STXBP5L: variants seen among roughly 807,000 people sequenced by gnomAD.
STXBP5L encodes the protein syntaxin binding protein 5L.
In STXBP5L, 65 loss-of-function variants were observed where a neutral mutation model predicts 144.5. The ratio of observed to expected loss-of-function variants is 0.45; its 90% confidence interval spans 0.37 to 0.55. STXBP5L has a LOEUF of 0.55. STXBP5L is among the 20% of genes least tolerant of loss of function. The pLI, the probability that STXBP5L is intolerant of heterozygous loss-of-function variation, is 0.00. For synonymous variants in STXBP5L, 505 were observed against 469.6 expected (o/e 1.08, Z -0.97); for missense variants, 1,298 against 1,405.5 (o/e 0.92, Z 1.22).
At chr3:121,382,269 A>C (rs777216378) in intron 22 of STXBP5L, among the ~76,000 whole-genome samples, 3 of 152,022 alleles carry the variant, frequency 2.0e-5, no homozygotes, top group Non-Finnish European at 2.9e-5. Flanking sequence ...TTAAAAGGAT[A>C]TATATTATAT....
chr3:121,189,450 A>T (rs1455000393), intron 9 of STXBP5L, among the ~76,000 whole-genome samples: 4 of 152,180 alleles, frequency 2.6e-5, no homozygotes, highest in East Asian at 3.8e-4. Flanking sequence ...GGCTAGCCAG[A>T]TTCCCCAGCA....
chr3:121,072,416 G>A (rs1399517599), intron 5 of STXBP5L, among the ~76,000 whole-genome samples: 1 of 152,228 alleles, frequency 6.6e-6, no homozygotes, highest in Non-Finnish European at 1.5e-5. Flanking sequence ...GCAGTTGGGA[G>A]CAGCACATAG....
intron 7 of STXBP5L, among the ~76,000 whole-genome samples, chr3:121,128,053 T>C (rs2044793389): frequency 6.6e-6 from 1 of 152,084 alleles, no homozygotes. Flanking sequence ...AAATAAACTA[T>C]ATTTGAAAGA....
intron 3 of STXBP5L, among the ~76,000 whole-genome samples, chr3:120,998,650 C>T (rs1234448102): frequency 6.6e-6 from 1 of 152,052 alleles, no homozygotes; most frequent in African/African-American, 2.4e-5. Flanking sequence ...TTCTGTTTTT[C>T]TGTTAGTTTG....
intron 3 of STXBP5L, among the ~76,000 whole-genome samples, chr3:120,959,231 A>C (rs1044834036): frequency 2.0e-5 from 3 of 152,174 alleles, no homozygotes; most frequent in African/African-American, 7.2e-5. Context: ...ACTACAAACC[A>C]CTGCTCAATG....
At chr3:121,327,162 G>C (rs979062485) in intron 20 of STXBP5L, among the ~76,000 whole-genome samples, 2 of 152,138 alleles carry the variant, frequency 1.3e-5, no homozygotes, top group African/African-American at 4.8e-5. Context: ...TTAGGAGTCA[G>C]CAGAAAGACA....
intron 3 of STXBP5L, among the ~76,000 whole-genome samples, chr3:120,971,669 A>G (rs1345972817): frequency 6.6e-6 from 1 of 151,236 alleles, no homozygotes; most frequent in East Asian, 1.9e-4. Flanking sequence ...ACACATATAC[A>G]TTCATCTATA....
intron 17 of STXBP5L, 128 bp from the exon 18 acceptor site, chr3:121,258,914 TC>T (rs1363711816): frequency 1.2e-6 from 1 of 816,718 alleles, no homozygotes; most frequent in Non-Finnish European, 1.7e-6. Context: ...GAAGGCACCA[TC>T]CATCTGCATG....
intron 3 of STXBP5L, among the ~76,000 whole-genome samples, chr3:120,991,826 G>T (rs917139896): frequency 1.3e-5 from 2 of 149,284 alleles, no homozygotes; most frequent in Admixed American, 6.9e-5. Flanking sequence ...TGGGGGCAGG[G>T]GGGAGGGATA....
At chr3:121,087,939 C>A (rs572719957) in intron 5 of STXBP5L, among the ~76,000 whole-genome samples, 1 of 152,162 alleles carries the variant, frequency 6.6e-6, no homozygotes, top group South Asian at 2.1e-4. Context: ...AGAGACTTTT[C>A]CTTTCTTTAC....
chr3:121,009,812 T>C (rs1448502593), intron 3 of STXBP5L, among the ~76,000 whole-genome samples: 1 of 151,916 alleles, frequency 6.6e-6, no homozygotes, highest in Non-Finnish European at 1.5e-5. Flanking sequence ...ATCTATTTAG[T>C]GTCTACAAGG....
At chr3:121,295,689 T>C (rs1311452914) in intron 19 of STXBP5L, among the ~76,000 whole-genome samples, 2 of 152,176 alleles carry the variant, frequency 1.3e-5, no homozygotes, top group African/African-American at 4.8e-5. Context: ...CAGGGATATT[T>C]GGCAATGTCT....
intron 20 of STXBP5L, among the ~76,000 whole-genome samples, chr3:121,362,843 T>C (rs2045753648): frequency 6.6e-6 from 1 of 152,028 alleles, no homozygotes; most frequent in Admixed American, 6.5e-5. Flanking sequence ...ATGTGCTGAG[T>C]CTCACCTGAA....
chr3:121,020,422 A>G (rs1181110384), intron 3 of STXBP5L, among the ~76,000 whole-genome samples: 1 of 152,206 alleles, frequency 6.6e-6, no homozygotes, highest in African/African-American at 2.4e-5. Flanking sequence ...ACACCTGGGA[A>G]ATTTATTGCA....
At chr3:121,134,301 A>G (rs754880647) in intron 7 of STXBP5L, among the ~76,000 whole-genome samples, 2 of 152,154 alleles carry the variant, frequency 1.3e-5, no homozygotes, top group Non-Finnish European at 2.9e-5. Context: ...ATGATGCTTC[A>G]TTAATTCATT....
chr3:121,279,420 A>T (rs941657062), intron 18 of STXBP5L, among the ~76,000 whole-genome samples: 1 of 151,928 alleles, frequency 6.6e-6, no homozygotes, highest in Non-Finnish European at 1.5e-5. Flanking sequence ...TGAAAAAGGC[A>T]TCTAATTACA....
chr3:121,272,851 A>T (rs1040853442), intron 18 of STXBP5L, among the ~76,000 whole-genome samples: 8 of 152,214 alleles, frequency 5.3e-5, no homozygotes, highest in Admixed American at 3.3e-4. Context: ...CTATTTAGAA[A>T]TGATAACAAC....
chr3:121,296,562 C>T (rs532973500), intron 19 of STXBP5L, among the ~76,000 whole-genome samples: 42 of 152,222 alleles, frequency 2.8e-4, no homozygotes, highest in African/African-American at 1.0e-3. Context: ...AAGAGTGATA[C>T]ATTCAAAGAA....
chr3:121,054,568 A>AT (rs2107606229), intron 5 of STXBP5L, among the ~76,000 whole-genome samples: 1 of 124,372 alleles, frequency 8.0e-6, no homozygotes, highest in Non-Finnish European at 1.6e-5. Flanking sequence ...GAAGGGGAAC[A>AT]TCACACTCCA....
Sources: allele counts gnomAD v4.1 joint callset (sites outside exome capture counted in the v4.1 genomes callset), GRCh38; gene constraint gnomAD v4.1.1; transcripts MANE v1.5; gene names NCBI Gene and HGNC (gene_info 2026-07-23, HGNC 2026-07-21).